The following CCDC73 variants were observed in gnomAD, a reference collection of about 807,000 sequenced individuals.
CCDC73 encodes the protein coiled-coil domain containing 73, also known as coiled-coil domain-containing protein 73.
CCDC73 carries 95 observed loss-of-function variants against 116.5 expected under a neutral mutation model. The observed-to-expected ratio is 0.82, with a 90% CI of 0.69 to 0.97. CCDC73 has a LOEUF of 0.97. Among genes scored for constraint, CCDC73 ranks in the 50% least tolerant of loss-of-function variants. The pLI is 0.00. For missense variants in CCDC73, 1,066 were observed against 1,206.8 expected (o/e 0.88, Z 1.73); for synonymous variants, 398 against 401.3 (o/e 0.99, Z 0.10).
chr11:32,726,395 A>G (rs1227719049), intron 2 of CCDC73, among the ~76,000 whole-genome samples: 2 of 152,208 alleles, frequency 1.3e-5, no homozygotes, highest in Non-Finnish European at 2.9e-5. Flanking sequence ...ACTGAAAAAT[A>G]TAATAAATCA....
At chr11:32,734,564 C>A (rs1011957686) in intron 2 of CCDC73, among the ~76,000 whole-genome samples, 1 of 151,826 alleles carries the variant, frequency 6.6e-6, no homozygotes, top group African/African-American at 2.4e-5. Flanking sequence ...AGGCAGAGGA[C>A]CCTGCAGCCT....
chr11:32,800,393 C>T, the CCDC73 span, among the ~76,000 whole-genome samples: 1 of 152,094 alleles, frequency 6.6e-6, no homozygotes, highest in Non-Finnish European at 1.5e-5. Context: ...CACTGCACTT[C>T]AGCCTGGGCA....
At chr11:32,669,566 T>C (rs1856017749) in intron 9 of CCDC73, among the ~76,000 whole-genome samples, 1 of 152,276 alleles carries the variant, frequency 6.6e-6, no homozygotes, top group Admixed American at 6.5e-5. Flanking sequence ...TCTTTCTAAT[T>C]TCTTTGTACC....
intron 9 of CCDC73, among the ~76,000 whole-genome samples, chr11:32,666,028 T>C (rs1855977729): frequency 6.6e-6 from 1 of 152,234 alleles, no homozygotes. Context: ...CTGAGATATC[T>C]GCTGTTAGTC....
chr11:32,748,257 G>C (rs1160913202), intron 2 of CCDC73, among the ~76,000 whole-genome samples: 1 of 151,230 alleles, frequency 6.6e-6, no homozygotes, highest in South Asian at 2.1e-4. Context: ...TTCTCTGGTG[G>C]TATTTTTTAA....
chr11:32,686,223 A>C (rs1465797926), intron 6 of CCDC73, among the ~76,000 whole-genome samples: 5 of 151,004 alleles, frequency 3.3e-5, no homozygotes, highest in Admixed American at 2.6e-4. Flanking sequence ...AAAAAAAAAA[A>C]AAAAAAAACC....
chr11:32,725,309 G>A (rs1431658102), intron 2 of CCDC73, among the ~76,000 whole-genome samples: 1 of 151,960 alleles, frequency 6.6e-6, no homozygotes, highest in Non-Finnish European at 1.5e-5. Context: ...ATTTTTAGCT[G>A]TTGTTAACTT....
intron 1 of CCDC73, among the ~76,000 whole-genome samples, chr11:32,791,608 C>T (rs998483602): frequency 4.6e-5 from 7 of 152,138 alleles, no homozygotes; most frequent in Non-Finnish European, 8.8e-5. Flanking sequence ...ATATGTTCTT[C>T]CTTCACTAGT....
intron 1 of CCDC73, among the ~76,000 whole-genome samples, chr11:32,785,307 T>C (rs1850618486): frequency 6.6e-6 from 1 of 152,228 alleles, no homozygotes; most frequent in Admixed American, 6.5e-5. Context: ...CAATGTGAAA[T>C]GTATTTCTTA....
intron 12 of CCDC73, among the ~76,000 whole-genome samples, 182 bp from the exon 13 acceptor site, chr11:32,642,264 G>A (rs944154524): frequency 6.6e-6 from 1 of 151,912 alleles, no homozygotes; most frequent in Admixed American, 6.6e-5. Context: ...TTAGCTAACA[G>A]AAAATAGGGG....
the CCDC73 span, among the ~76,000 whole-genome samples, chr11:32,826,191 A>G: frequency 6.6e-6 from 1 of 152,206 alleles, no homozygotes; most frequent in Non-Finnish European, 1.5e-5. Flanking sequence ...CTGCATGTAG[A>G]TATATAATCA....
At chr11:32,652,530 T>C (rs1855835417) in intron 12 of CCDC73, among the ~76,000 whole-genome samples, 1 of 152,138 alleles carries the variant, frequency 6.6e-6, no homozygotes, top group African/African-American at 2.4e-5. Flanking sequence ...ATTTCTTCAC[T>C]CAGCTTTATA....
At position 32,700,706 on chromosome 11, in the gene CCDC73, A is replaced by G; in HGVS notation, c.315+85T>C. On this transcript the variant is annotated intron_variant, in intron 5 of 17. Coordinates refer to ENST00000335185, the MANE Select transcript of CCDC73 (RefSeq NM_001008391.4). ...TCTCTTATGGTAAACAATGGATAAT[A>G]AAAGGCATCTAGCTATGTTTTAAAT... The G allele has an allele frequency of 6.6e-6, 4 of 608,704 alleles. No individual in the cohort carries two copies. In the South Asian group the frequency reaches 7.2e-5, roughly 11 times the overall value. 37.7% of individuals were successfully genotyped at this position (608,704 alleles called of 1,614,324 possible). A position where few individuals can be genotyped will look rare whatever the true frequency, so the allele number is the denominator to read the frequency against.
chr11:32,755,775 G>GTA lies in CCDC73; in HGVS notation c.135+4332_135+4333dup, dbSNP rs1241412969. Among the ~76,000 whole-genome samples the GTA allele has an allele frequency of 4.4e-4, 46 of 105,044 alleles. 1 individual carries two copies. Among genetic ancestry groups the GTA allele is most frequent in the African/African-American group, 1.6e-3 (37 of 23,204 alleles). 68.9% of individuals were successfully genotyped at this position (105,044 alleles called of 152,430 possible). On this transcript the variant is annotated intron_variant, in intron 2 of 17. Coordinates refer to ENST00000335185, the MANE Select transcript of CCDC73 (RefSeq NM_001008391.4). ...TATATATATATCTCCATATATATGTGTATATATATATATCTCCATATATGT... is the reference window on the plus strand; with the variant it reads ...TATATATATATCTCCATATATATGTGTATATATATATATATCTCCATATATGT...
rs148155397 is a variant in CCDC73 at position 32,708,942 on chromosome 11, A to G, written c.208-5998T>C. 8.9e-3 allele frequency among the ~76,000 whole-genome samples: 1,362 copies of G among 152,236 alleles called. 20 individuals carry two copies. Among genetic ancestry groups the G allele is most frequent in the African/African-American group, 0.031 (1,285 of 41,522 alleles). On this transcript the variant is annotated intron_variant, in intron 3 of 17. Coordinates refer to ENST00000335185, the MANE Select transcript of CCDC73 (RefSeq NM_001008391.4). ...TGCTCTGGCTAGGACTTCTAGTACT[A>G]TGTTGAATAGAAGTGGTGAAAGTGG...
chr11:32,711,835 G>A (rs1849903123), intron 3 of CCDC73, among the ~76,000 whole-genome samples: 1 of 152,034 alleles, frequency 6.6e-6, no homozygotes, highest in African/African-American at 2.4e-5. Flanking sequence ...CTACCTATTT[G>A]TACCTCAGCA....
At chr11:32,622,647 A>G (rs1855532801) in intron 14 of CCDC73, among the ~76,000 whole-genome samples, 1 of 142,176 alleles carries the variant, frequency 7.0e-6, no homozygotes. Context: ...CATTCTCCAC[A>G]TGTATCATGG....
intron 9 of CCDC73, among the ~76,000 whole-genome samples, chr11:32,674,754 T>C (rs1414379556): frequency 1.3e-5 from 2 of 152,186 alleles, no homozygotes; most frequent in Non-Finnish European, 2.9e-5. Flanking sequence ...CCTGAACCAA[T>C]GCCTATGGTC....
intron 2 of CCDC73, among the ~76,000 whole-genome samples, chr11:32,733,989 T>A (rs1340391514): frequency 6.6e-6 from 1 of 152,148 alleles, no homozygotes; most frequent in African/African-American, 2.4e-5. Context: ...AGGAGCTGGT[T>A]TTTTGAAAAG....
Sources: allele counts gnomAD v4.1 joint callset (sites outside exome capture counted in the v4.1 genomes callset), GRCh38; gene constraint gnomAD v4.1.1; transcripts MANE v1.5; gene names NCBI Gene and HGNC (gene_info 2026-07-23, HGNC 2026-07-21).